Variants in CADPS observed in about 807,000 individuals in gnomAD.
CADPS encodes the protein calcium dependent secretion activator.
Under a neutral mutation model 167.3 loss-of-function variants are expected in CADPS, and 57 were observed. The observed-to-expected ratio is 0.34, with a 90% CI of 0.28 to 0.42. CADPS has a LOEUF of 0.42. Among genes scored for constraint, CADPS ranks in the 20% least tolerant of loss-of-function variants. The probability of loss-of-function intolerance (pLI) is 1.00; values close to 1 mark genes in which losing one functional copy is unlikely to be tolerated. For synonymous variants in CADPS, 676 were observed against 635.3 expected (o/e 1.06, Z -0.96); for missense variants, 1,414 against 1,738.1 (o/e 0.81, Z 3.32).
intron 17 of CADPS, among the ~76,000 whole-genome samples, chr3:62,503,563 T>G (rs1278686735): frequency 1.3e-5 from 2 of 152,248 alleles, no homozygotes; most frequent in African/African-American, 4.8e-5. Flanking sequence ...GCTCCCTTTG[T>G]GGAATTTCAA....
intron 4 of CADPS, among the ~76,000 whole-genome samples, chr3:62,652,636 A>G (rs2070496297): frequency 6.6e-6 from 1 of 152,016 alleles, no homozygotes; most frequent in Non-Finnish European, 1.5e-5. Flanking sequence ...GACACTTAAC[A>G]AAGAAGAGAG....
chr3:62,528,668 T>C (rs2072915825), intron 13 of CADPS, among the ~76,000 whole-genome samples: 1 of 152,312 alleles, frequency 6.6e-6, no homozygotes, highest in Middle Eastern at 3.4e-3. Flanking sequence ...CGGGATCTGA[T>C]ACTCCTAGAT....
chr3:62,488,034 T>C (rs2063096685), intron 21 of CADPS, among the ~76,000 whole-genome samples: 1 of 152,134 alleles, frequency 6.6e-6, no homozygotes, highest in East Asian at 1.9e-4. Flanking sequence ...CAGAACTACT[T>C]GAGGATAACA....
At chr3:62,666,062 C>A (rs910455688) in intron 3 of CADPS, among the ~76,000 whole-genome samples, 3 of 152,276 alleles carry the variant, frequency 2.0e-5, no homozygotes, top group Admixed American at 1.3e-4. Context: ...CCCTCACTGG[C>A]GTGAATGTAG....
intron 3 of CADPS, among the ~76,000 whole-genome samples, chr3:62,667,973 A>G (rs966408563): frequency 6.6e-6 from 1 of 152,146 alleles, no homozygotes; most frequent in African/African-American, 2.4e-5. Flanking sequence ...TGGCCTTGAC[A>G]GTGCGCCTGG....
chr3:62,437,340 C>CTTTT (rs11295364), intron 28 of CADPS, among the ~76,000 whole-genome samples: 1 of 128,208 alleles, frequency 7.8e-6, no homozygotes. Flanking sequence ...AAGCAGGTTC[C>CTTTT]TTTTTTTTTT....
At chr3:62,791,298 A>G (rs2092924913) in intron 1 of CADPS, among the ~76,000 whole-genome samples, 1 of 152,210 alleles carries the variant, frequency 6.6e-6, no homozygotes, top group East Asian at 1.9e-4. Context: ...TTGCAATATG[A>G]CTAGTGTGAA....
chr3:62,700,052 C>T (rs2081109377), intron 3 of CADPS, among the ~76,000 whole-genome samples: 1 of 152,108 alleles, frequency 6.6e-6, no homozygotes, highest in African/African-American at 2.4e-5. Context: ...TGTATGAACT[C>T]TATGGGTCCT....
intron 1 of CADPS, among the ~76,000 whole-genome samples, chr3:62,842,505 T>C (rs143207567): frequency 2.2e-4 from 34 of 152,368 alleles, no homozygotes; most frequent in African/African-American, 8.2e-4. Context: ...TTCTTCATGA[T>C]TGCCTCAATT....
At chr3:62,533,803 C>T (rs1265152749) in intron 12 of CADPS, among the ~76,000 whole-genome samples, 1 of 152,178 alleles carries the variant, frequency 6.6e-6, no homozygotes, top group Non-Finnish European at 1.5e-5. Context: ...AACAGCATGG[C>T]TTAGTTTTCA....
intron 6 of CADPS, among the ~76,000 whole-genome samples, chr3:62,637,729 A>G (rs998950790): frequency 2.6e-5 from 4 of 152,190 alleles, no homozygotes; most frequent in Non-Finnish European, 5.9e-5. Flanking sequence ...GGGTGGCAGA[A>G]TGGATGAAAA....
intron 1 of CADPS, among the ~76,000 whole-genome samples, chr3:62,782,961 T>C (rs2091913703): frequency 6.6e-6 from 1 of 152,096 alleles, no homozygotes; most frequent in African/African-American, 2.4e-5. Context: ...GGTTTTGCCA[T>C]GTTGGCCAGG....
At position 62,576,788 on chromosome 3, in the gene CADPS, T is replaced by TTAAAAAAAAAAAAAAAAAAAAAAAAA. The variant is rs1553936618; in HGVS notation, c.1578-5851_1578-5850insTTTTTTTTTTTTTTTTTTTTTTTTTA. On this transcript the variant is annotated intron_variant, in intron 8 of 29. Coordinates refer to ENST00000383710, the MANE Select transcript of CADPS (RefSeq NM_003716.4). The stretch of plus-strand genomic sequence containing the variant: ...CTGGGTGACAGAGCAAGACTCTGTC[T>TTAAAAAAAAAAAAAAAAAAAAAAAAA]AAAAAAAAAAAAAAAAAAAAAAAAA... 6.7e-5 allele frequency among the ~76,000 whole-genome samples: 2 copies of TTAAAAAAAAAAAAAAAAAAAAAAAAA among 29,876 alleles called. 1 individual carries two copies. 19.6% of individuals were successfully genotyped at this position (29,876 alleles called of 152,430 possible).
At chr3:62,662,526 C>T (rs550286511) in intron 3 of CADPS, 132 bp from the exon 4 acceptor site, 18 of 705,732 alleles carry the variant, frequency 2.6e-5, no homozygotes, top group Middle Eastern at 2.4e-4. Context: ...TTCTTATAAC[C>T]GACAAATCCA....
intron 1 of CADPS, among the ~76,000 whole-genome samples, chr3:62,829,043 A>C (rs1394298908): frequency 6.6e-6 from 1 of 152,132 alleles, no homozygotes; most frequent in Non-Finnish European, 1.5e-5. Context: ...CAAGAAAAGA[A>C]GTTTCAGGAT....
chr3:62,811,831 C>T (rs2094408107), intron 1 of CADPS, among the ~76,000 whole-genome samples: 1 of 152,130 alleles, frequency 6.6e-6, no homozygotes, highest in African/African-American at 2.4e-5. Flanking sequence ...AATTTATAAA[C>T]TTAAAACAAC....
intron 3 of CADPS, among the ~76,000 whole-genome samples, chr3:62,671,388 G>C (rs141138257): frequency 2.1e-4 from 32 of 152,246 alleles, no homozygotes; most frequent in African/African-American, 7.7e-4. Flanking sequence ...ATTCAAAGAA[G>C]AGAGTGGGTG....
At chr3:62,459,779 T>C (rs1013771436) in intron 26 of CADPS, among the ~76,000 whole-genome samples, 1 of 152,200 alleles carries the variant, frequency 6.6e-6, no homozygotes, top group Non-Finnish European at 1.5e-5. Flanking sequence ...ACCCCCCCAG[T>C]GTCTAGCACA....
At chr3:62,423,450 C>T (rs369101130) in intron 28 of CADPS, among the ~76,000 whole-genome samples, 1 of 152,146 alleles carries the variant, frequency 6.6e-6, no homozygotes, top group Non-Finnish European at 1.5e-5. Flanking sequence ...CAGTAAGAAC[C>T]CCAGTGGATG....
Sources: allele counts gnomAD v4.1 joint callset (sites outside exome capture counted in the v4.1 genomes callset), GRCh38; gene constraint gnomAD v4.1.1; transcripts MANE v1.5; gene names NCBI Gene and HGNC (gene_info 2026-07-23, HGNC 2026-07-21).